Variants in CRACD observed in about 807,000 individuals in gnomAD.
CRACD encodes capping protein inhibiting regulator of actin dynamics, also known as capping protein-inhibiting regulator of actin dynamics.
Under a neutral mutation model 106.8 loss-of-function variants are expected in CRACD, and 56 were observed. That is an observed-to-expected ratio of 0.52 (90% CI 0.42 to 0.66). CRACD has a LOEUF of 0.66. CRACD is among the 30% of genes least tolerant of loss of function. The pLI is 0.00. For synonymous variants in CRACD, 754 were observed against 670.8 expected (o/e 1.12, Z -1.92); for missense variants, 1,730 against 1,623.2 (o/e 1.07, Z -1.13).
At chr4:56,256,875 T>C (rs1409799617) in intron 2 of CRACD, among the ~76,000 whole-genome samples, 5 of 152,242 alleles carry the variant, frequency 3.3e-5, no homozygotes, top group Admixed American at 2.0e-4. Flanking sequence ...CAGGCCATTA[T>C]GGGAAGGGAG....
intron 2 of CRACD, among the ~76,000 whole-genome samples, chr4:56,222,385 G>A (rs534817505): frequency 1.3e-4 from 20 of 152,290 alleles, no homozygotes; most frequent in Admixed American, 9.2e-4. Context: ...TGGAGACTCT[G>A]AAGTGGGGAG....
At chr4:56,167,248 C>T (rs149697681) in intron 1 of CRACD, among the ~76,000 whole-genome samples, 97 of 152,132 alleles carry the variant, frequency 6.4e-4, no homozygotes, top group African/African-American at 1.7e-3. Context: ...TTAAAAAGCA[C>T]GTGACAGATC....
At chr4:56,262,045 T>G (rs1313303336) in intron 2 of CRACD, among the ~76,000 whole-genome samples, 1 of 152,082 alleles carries the variant, frequency 6.6e-6, no homozygotes, top group Non-Finnish European at 1.5e-5. Flanking sequence ...CTAAAAAGGA[T>G]AGAAACCTAA....
chr4:56,226,309 G>A (rs950604781), intron 2 of CRACD, among the ~76,000 whole-genome samples: 1 of 152,184 alleles, frequency 6.6e-6, no homozygotes, highest in Non-Finnish European at 1.5e-5. Flanking sequence ...TAGGAATTGT[G>A]TTGTGAGATT....
chr4:56,213,660 T>C (rs1365774109), intron 2 of CRACD, among the ~76,000 whole-genome samples: 1 of 152,180 alleles, frequency 6.6e-6, no homozygotes, highest in Non-Finnish European at 1.5e-5. Context: ...ACAGCTGGAT[T>C]GGTTACAGTT....
intron 2 of CRACD, among the ~76,000 whole-genome samples, chr4:56,189,192 A>G (rs1054819774): frequency 3.3e-5 from 5 of 151,946 alleles, no homozygotes; most frequent in African/African-American, 1.2e-4. Flanking sequence ...TCAAAAAAAA[A>G]AAAACCAAAA....
At chr4:56,083,204 G>GA in intron 1 of CRACD, among the ~76,000 whole-genome samples, 1 of 152,290 alleles carries the variant, frequency 6.6e-6, no homozygotes, top group Middle Eastern at 3.4e-3. Flanking sequence ...TCTGAAACAG[G>GA]AAAGTTGTCT....
At chr4:56,308,942 G>A in intron 5 of CRACD, 3 of 1,282,838 alleles carry the variant, frequency 2.3e-6, no homozygotes, top group Non-Finnish European at 3.1e-6. Context: ...TCAGATATGG[G>A]TATTACAGAG....
At chr4:56,281,945 T>C (rs747049580) in intron 3 of CRACD, among the ~76,000 whole-genome samples, 6 of 152,218 alleles carry the variant, frequency 3.9e-5, no homozygotes, top group Non-Finnish European at 7.3e-5. Context: ...GTTTCTTTTG[T>C]AATTAACAGG....
chr4:56,132,345 T>C (rs1175371787), intron 1 of CRACD, among the ~76,000 whole-genome samples: 4 of 151,992 alleles, frequency 2.6e-5, no homozygotes, highest in African/African-American at 9.7e-5. Flanking sequence ...TAGCCAATAA[T>C]TTTGTTTTCT....
At chr4:56,163,768 CA>C (rs1736041490) in intron 1 of CRACD, among the ~76,000 whole-genome samples, 2 of 150,840 alleles carry the variant, frequency 1.3e-5, no homozygotes, top group African/African-American at 4.9e-5. Context: ...TTTTTTGAGA[CA>C]GAGTCTCACT....
At chr4:56,304,505 T>A (rs1054596273) in intron 4 of CRACD, among the ~76,000 whole-genome samples, 1 of 152,142 alleles carries the variant, frequency 6.6e-6, no homozygotes, top group African/African-American at 2.4e-5. Flanking sequence ...AGGCCAGGTG[T>A]GATGGCTCAT....
intron 1 of CRACD, among the ~76,000 whole-genome samples, chr4:56,146,466 T>C (rs1431378109): frequency 6.6e-6 from 1 of 151,746 alleles, no homozygotes; most frequent in African/African-American, 2.4e-5. Context: ...ATGTGCACAA[T>C]GTGCAGGTTA....
At chr4:56,280,843 C>G (rs1041086364) in intron 3 of CRACD, among the ~76,000 whole-genome samples, 1 of 152,190 alleles carries the variant, frequency 6.6e-6, no homozygotes, top group African/African-American at 2.4e-5. Flanking sequence ...CCCTGCTTAC[C>G]GTTGTTTGCA....
At chr4:56,120,863 C>T (rs536700570) in intron 1 of CRACD, among the ~76,000 whole-genome samples, 116 of 152,214 alleles carry the variant, frequency 7.6e-4, no homozygotes, top group African/African-American at 2.8e-3. Context: ...GTTGTCCTGC[C>T]CTTTTAAAAA....
chr4:56,169,010 G>T (rs1736256233), intron 1 of CRACD, among the ~76,000 whole-genome samples: 1 of 152,124 alleles, frequency 6.6e-6, no homozygotes. Context: ...ATTATTTAAG[G>T]TTACAGACTA....
chr4:56,225,291 A>G lies in CRACD; in HGVS notation c.-189+45861A>G, dbSNP rs111507458. Among the ~76,000 whole-genome samples the G allele has an allele frequency of 1.2e-3, 179 of 152,166 alleles. 1 individual carries two copies. The highest frequency in any genetic ancestry group is 4.2e-3 in the African/African-American group (175 of 41,522). On this transcript the variant is annotated intron_variant, in intron 2 of 10. Coordinates refer to ENST00000682029, the MANE Select transcript of CRACD (RefSeq NM_001393381.1). The stretch of plus-strand genomic sequence containing the variant: ...GTAGTTTTAGTAGAGACAGGGTTTC[A>G]CCATGTTGGCCAGGCTAGTCTCAAA...
At chr4:56,280,380 C>A (rs990207686) in intron 3 of CRACD, among the ~76,000 whole-genome samples, 1 of 151,990 alleles carries the variant, frequency 6.6e-6, no homozygotes, top group African/African-American at 2.4e-5. Context: ...TTGAATAGCC[C>A]CATCCCCCAT....
chr4:56,092,827 G>A (rs901030113), intron 1 of CRACD, among the ~76,000 whole-genome samples: 2 of 151,946 alleles, frequency 1.3e-5, no homozygotes, highest in South Asian at 2.1e-4. Flanking sequence ...GGCTCGTCTC[G>A]AACTCCTGCC....
Sources: allele counts gnomAD v4.1 joint callset (sites outside exome capture counted in the v4.1 genomes callset), GRCh38; gene constraint gnomAD v4.1.1; transcripts MANE v1.5; gene names NCBI Gene and HGNC (gene_info 2026-07-23, HGNC 2026-07-21).